PRICKLE2: variants seen among roughly 807,000 people sequenced by gnomAD.
The protein encoded by PRICKLE2 is prickle planar cell polarity protein 2.
Under a neutral mutation model 81.4 loss-of-function variants are expected in PRICKLE2, and 21 were observed. The observed-to-expected ratio is 0.26, with a 90% CI of 0.18 to 0.37. The LOEUF (loss-of-function observed/expected upper bound fraction) is 0.37, where lower values mean the gene tolerates loss of function less well. PRICKLE2 is among the 10% of genes least tolerant of loss of function. The probability of loss-of-function intolerance (pLI) is 1.00; values close to 1 mark genes in which losing one functional copy is unlikely to be tolerated. For missense variants in PRICKLE2, 940 were observed against 1,109.0 expected (o/e 0.85, Z 2.16); for synonymous variants, 456 against 421.5 (o/e 1.08, Z -1.00).
intron 7 of PRICKLE2, among the ~76,000 whole-genome samples, chr3:64,144,723 GA>G (rs1264102475): frequency 2.6e-5 from 4 of 152,202 alleles, no homozygotes; most frequent in Non-Finnish European, 5.9e-5. Context: ...ATCCCTTGTG[GA>G]CCGACATATG....
chr3:64,126,428 A>T (rs1210458988), intron 7 of PRICKLE2, among the ~76,000 whole-genome samples: 1 of 152,074 alleles, frequency 6.6e-6, no homozygotes, highest in Non-Finnish European at 1.5e-5. Context: ...CCACACCTCT[A>T]CCTCAAAGCT....
At chr3:64,203,963 G>A (rs1259375056) in intron 1 of PRICKLE2, among the ~76,000 whole-genome samples, 2 of 151,988 alleles carry the variant, frequency 1.3e-5, no homozygotes, top group African/African-American at 4.8e-5. Context: ...GGGTGACAGA[G>A]CGAGATGCTG....
At chr3:64,177,649 A>G (rs1415492862) in intron 2 of PRICKLE2, among the ~76,000 whole-genome samples, 2 of 152,192 alleles carry the variant, frequency 1.3e-5, no homozygotes, top group Non-Finnish European at 2.9e-5. Context: ...TAGATACTTC[A>G]TATAAGTGGA....
chr3:64,210,578 C>T (rs571745360), intron 1 of PRICKLE2, among the ~76,000 whole-genome samples: 11 of 152,292 alleles, frequency 7.2e-5, no homozygotes, highest in Non-Finnish European at 1.0e-4. Flanking sequence ...GTGCTTCTCT[C>T]TCCCAGGGGT....
upstream of PRICKLE2, among the ~76,000 whole-genome samples, chr3:64,229,001 G>C (rs940130787): frequency 6.6e-6 from 1 of 152,138 alleles, no homozygotes; most frequent in Non-Finnish European, 1.5e-5. Context: ...ATTTTATAGT[G>C]GGGGAAGGCC....
chr3:64,185,284 C>T (rs1263932931), intron 2 of PRICKLE2, among the ~76,000 whole-genome samples: 1 of 152,086 alleles, frequency 6.6e-6, no homozygotes, highest in African/African-American at 2.4e-5. Flanking sequence ...TTAATGTTTA[C>T]AGACCCCCCC....
At chr3:64,227,777 A>G (rs1471189982), upstream of PRICKLE2, among the ~76,000 whole-genome samples, 1 of 152,186 alleles carries the variant, frequency 6.6e-6, no homozygotes, top group African/African-American at 2.4e-5. Flanking sequence ...GTTACATAGC[A>G]AACACTCAAT....
chr3:64,231,981 C>T (rs1199936777), intron 2 of PRICKLE2, among the ~76,000 whole-genome samples: 3 of 151,922 alleles, frequency 2.0e-5, no homozygotes, highest in Non-Finnish European at 4.4e-5. Flanking sequence ...GGTGTGTTCC[C>T]ATTAGGGTGT....
chr3:64,197,927 G>A (rs1425386554), intron 2 of PRICKLE2, among the ~76,000 whole-genome samples: 2 of 152,028 alleles, frequency 1.3e-5, no homozygotes, highest in African/African-American at 4.8e-5. Flanking sequence ...TTCAAGGGCT[G>A]ATGGCCGGGT....
chr3:64,185,384 T>C (rs2078209804), intron 2 of PRICKLE2, among the ~76,000 whole-genome samples: 1 of 152,214 alleles, frequency 6.6e-6, no homozygotes, highest in Non-Finnish European at 1.5e-5. Flanking sequence ...GTCCCCAAGC[T>C]AGATTATCTG....
At position 64,112,352 on chromosome 3, in the gene PRICKLE2, A is replaced by G. The variant is rs527353155; in HGVS notation, c.1661-12427T>C. ...TACAATGTACTCCTTTAGGCTTGGG[A>G]TCTTTGCTTCTCAAGATCTCCCTTC... On this transcript the variant is annotated intron_variant, in intron 7 of 7. Coordinates refer to ENST00000638394, the MANE Select transcript of PRICKLE2 (RefSeq NM_198859.4). Among the ~76,000 whole-genome samples, 8 of 152,270 alleles carry G rather than the reference A, an allele frequency of 5.3e-5. No individual in the cohort carries two copies. In the East Asian group the frequency reaches 7.7e-4, roughly 15 times the overall value.
chr3:64,142,909 G>C (rs1274446581), intron 7 of PRICKLE2, among the ~76,000 whole-genome samples: 1 of 152,152 alleles, frequency 6.6e-6, no homozygotes. Context: ...GAGTTTTGCA[G>C]AGTTTAAGTG....
At chr3:64,115,992 C>A (rs930616753) in intron 7 of PRICKLE2, among the ~76,000 whole-genome samples, 1 of 152,140 alleles carries the variant, frequency 6.6e-6, no homozygotes, top group African/African-American at 2.4e-5. Context: ...TCATAACAAA[C>A]AATCTCTCAG....
chr3:64,151,402 G>C (rs745815304), intron 6 of PRICKLE2, among the ~76,000 whole-genome samples: 18 of 152,196 alleles, frequency 1.2e-4, no homozygotes, highest in Non-Finnish European at 2.5e-4. Flanking sequence ...AAATGTGCTG[G>C]GCAGCCAAAG....
At chr3:64,173,228 T>G (rs957484050) in intron 2 of PRICKLE2, among the ~76,000 whole-genome samples, 3 of 152,208 alleles carry the variant, frequency 2.0e-5, no homozygotes, top group Non-Finnish European at 4.4e-5. Context: ...TAGGTACTGA[T>G]TTGTAGCATT....
At chr3:64,121,144 TCCTCCAGGG>T (rs2077018174) in intron 7 of PRICKLE2, among the ~76,000 whole-genome samples, 1 of 151,890 alleles carries the variant, frequency 6.6e-6, no homozygotes, top group Non-Finnish European at 1.5e-5. Context: ...ACCTGGAGAG[TCCTCCAGGG>T]CCCTCAAATC....
At chr3:64,139,327 C>T (rs1444429679) in intron 7 of PRICKLE2, among the ~76,000 whole-genome samples, 4 of 152,250 alleles carry the variant, frequency 2.6e-5, no homozygotes, top group Non-Finnish European at 5.9e-5. Flanking sequence ...AAAAAAAACA[C>T]AGAGTAGACC....
chr3:64,105,576 T>A (rs2076741388), intron 7 of PRICKLE2: 1 of 152,228 alleles, frequency 6.6e-6, no homozygotes, highest in Non-Finnish European at 1.5e-5. Flanking sequence ...TCAATCTCCA[T>A]CTCTGGTGAT....
At position 64,173,583 on chromosome 3, in the gene PRICKLE2, C is replaced by T. The variant is rs532514018; in HGVS notation, c.145-10454G>A. 1.3e-5 allele frequency among the ~76,000 whole-genome samples: 2 copies of T among 152,236 alleles called. 1 individual carries two copies. The highest frequency in any genetic ancestry group is 4.1e-4 in the South Asian group (2 of 4,822). On this transcript the variant is annotated intron_variant, in intron 2 of 7. Transcript: ENST00000638394. Reference sequence around the variant, plus strand: ...TTGGCTCTTGCAAGGCAGTATGAGGCCGGCTCTAGCATTCTGTCAGAAGCT... The same window carrying T: ...TTGGCTCTTGCAAGGCAGTATGAGGTCGGCTCTAGCATTCTGTCAGAAGCT...
Sources: allele counts gnomAD v4.1 joint callset (sites outside exome capture counted in the v4.1 genomes callset), GRCh38; gene constraint gnomAD v4.1.1; transcripts MANE v1.5; gene names NCBI Gene and HGNC (gene_info 2026-07-23, HGNC 2026-07-21).